PDPN: variants seen among roughly 807,000 people sequenced by gnomAD.
PDPN encodes PA2.26 antigen.
Under a neutral mutation model 23.2 loss-of-function variants are expected in PDPN, and 12 were observed. The ratio of observed to expected loss-of-function variants is 0.52; its 90% CI spans 0.33 to 0.84. The LOEUF (loss-of-function observed/expected upper bound fraction) is 0.84, where lower values mean the gene tolerates loss of function less well. PDPN is among the 40% of genes least tolerant of loss of function. The pLI, the probability that PDPN is intolerant of heterozygous loss-of-function variation, is 0.02. For missense variants in PDPN, 199 were observed against 212.2 expected (o/e 0.94, Z 0.39); for synonymous variants, 77 against 76.7 (o/e 1.00, Z -0.02).
At chr1:13,607,101 G>A (rs1190978690) in intron 1 of PDPN, 72 bp from the exon 2 acceptor site, 60 of 1,478,542 alleles carry the variant, frequency 4.1e-5, no homozygotes, top group Admixed American at 8.5e-5. Context: ...AAAATAATCC[G>A]AATGTAGCCG....
intron 1 of PDPN, among the ~76,000 whole-genome samples, chr1:13,590,606 G>C (rs193165325): frequency 4.6e-5 from 7 of 152,108 alleles, no homozygotes; most frequent in Non-Finnish European, 7.4e-5. Context: ...AGATCAGTCC[G>C]GGCTTTTTGT....
chr1:13,613,823 C>CA (rs1640996375), intron 4 of PDPN, 98 bp downstream of exon 4: 1 of 671,312 alleles, frequency 1.5e-6, no homozygotes, highest in South Asian at 1.7e-5. Context: ...TTCTGGATTG[C>CA]AGTCAATGAG....
chr1:13,613,756 T>C, intron 4 of PDPN, 31 bp downstream of exon 4: 2 of 1,298,882 alleles, frequency 1.5e-6, no homozygotes, highest in Non-Finnish European at 2.2e-6. Flanking sequence ...AAAATACTCT[T>C]ACTGGGGTTT....
intron 5 of PDPN, among the ~76,000 whole-genome samples, chr1:13,615,517 AC>A (rs1277442211): frequency 1.3e-5 from 2 of 151,818 alleles, no homozygotes; most frequent in African/African-American, 2.4e-5. Flanking sequence ...CAATCTCCTG[AC>A]CTCGTGATCC....
chr1:13,606,179 A>C (rs982303138), intron 1 of PDPN, among the ~76,000 whole-genome samples: 35 of 151,822 alleles, frequency 2.3e-4, no homozygotes, highest in African/African-American at 7.3e-4. Context: ...TAGTAGAGAC[A>C]GAGTTTCACC....
At chr1:13,612,969 T>C (rs1640973222) in intron 3 of PDPN, among the ~76,000 whole-genome samples, 2 of 150,908 alleles carry the variant, frequency 1.3e-5, no homozygotes, top group Admixed American at 1.4e-4. Flanking sequence ...ACTCGTTATA[T>C]AAAGAGGTCA....
chr1:13,593,307 A>C (rs1238749080), intron 1 of PDPN, among the ~76,000 whole-genome samples: 2 of 152,130 alleles, frequency 1.3e-5, no homozygotes, highest in Non-Finnish European at 2.9e-5. Flanking sequence ...GATGAGTTTG[A>C]GGTAAATAGT....
chr1:13,604,759 G>GT (rs1640740191), intron 1 of PDPN, among the ~76,000 whole-genome samples: 1 of 152,172 alleles, frequency 6.6e-6, no homozygotes, highest in African/African-American at 2.4e-5. Flanking sequence ...AGCTTAGTAA[G>GT]TTTTTTAATA....
chr1:13,610,202 A>G (rs1208198407), intron 2 of PDPN, among the ~76,000 whole-genome samples, 185 bp from the exon 3 acceptor site: 2 of 152,172 alleles, frequency 1.3e-5, no homozygotes, highest in Non-Finnish European at 2.9e-5. Flanking sequence ...TAATGCTGCT[A>G]TGAACATGTG....
At chr1:13,595,017 G>GAA (rs148184405) in intron 1 of PDPN, among the ~76,000 whole-genome samples, 1 of 142,802 alleles carries the variant, frequency 7.0e-6, no homozygotes, top group African/African-American at 2.6e-5. Flanking sequence ...AAGAAAGAAA[G>GAA]AAAAAAAAAA....
intron 1 of PDPN, among the ~76,000 whole-genome samples, chr1:13,606,149 C>A (rs1640784437): frequency 6.6e-6 from 1 of 152,012 alleles, no homozygotes. Flanking sequence ...ACCACCACAC[C>A]AGGCTAATTT....
At chr1:13,600,219 G>A (rs963867250) in intron 1 of PDPN, among the ~76,000 whole-genome samples, 1 of 152,148 alleles carries the variant, frequency 6.6e-6, no homozygotes, top group Non-Finnish European at 1.5e-5. Flanking sequence ...AGGGAGGGAG[G>A]CAGCAGGCAT....
At chr1:13,603,330 C>T (rs900304375) in intron 1 of PDPN, among the ~76,000 whole-genome samples, 2 of 151,992 alleles carry the variant, frequency 1.3e-5, no homozygotes, top group Non-Finnish European at 2.9e-5. Flanking sequence ...TTGTAGTGAG[C>T]CGAAATTGTA....
intron 1 of PDPN, among the ~76,000 whole-genome samples, chr1:13,588,734 A>G (rs1350270283): frequency 6.6e-6 from 1 of 150,652 alleles, no homozygotes; most frequent in Non-Finnish European, 1.5e-5. Flanking sequence ...GCTGGAGTCC[A>G]GTAGCACTAT....
intron 1 of PDPN, among the ~76,000 whole-genome samples, chr1:13,599,612 G>A (rs1431693437): frequency 6.6e-6 from 1 of 151,788 alleles, no homozygotes; most frequent in East Asian, 1.9e-4. Context: ...TCAAACTCCC[G>A]ACCTCAAGTG....
At position 13,610,349 on chromosome 1, in the gene PDPN, C is replaced by T. The variant is rs12080943; in HGVS notation, c.202-38C>T. ...GGGGATATATTTTAAAGACAGTAGGCTTTATTTCCTGTTTTTCCTCATTTA... is the reference window on the plus strand; with the variant it reads ...GGGGATATATTTTAAAGACAGTAGGTTTTATTTCCTGTTTTTCCTCATTTA... On this transcript the variant is annotated intron_variant, in intron 2 of 5. Coordinates refer to ENST00000621990, the MANE Select transcript of PDPN (RefSeq NM_006474.5). 4,820 of 1,589,466 alleles carry T rather than the reference C, an allele frequency of 3.0e-3. 123 individuals carry two copies. The African/African-American group carries it at 0.058, about 19-fold the overall frequency.
intron 1 of PDPN, among the ~76,000 whole-genome samples, chr1:13,606,730 G>C (rs1432544174): frequency 6.6e-6 from 1 of 152,128 alleles, no homozygotes; most frequent in Non-Finnish European, 1.5e-5. Context: ...TGGAGACCCC[G>C]CTTTTGCATC....
At position 13,617,742 on chromosome 1, in the gene PDPN, T is replaced by TTC. The variant is rs397771443; in HGVS notation, c.*1831_*1832insTC. 2.3e-3 allele frequency: 1 copy of TTC among 436 alleles called. No homozygotes were observed. Among genetic ancestry groups the TTC allele is most frequent in the Non-Finnish European group, 4.7e-3 (1 of 212 alleles). 0.0% of individuals were successfully genotyped at this position (436 alleles called of 1,614,324 possible). On this transcript the variant is annotated 3_prime_UTR_variant, in exon 6 of 6. Coordinates refer to ENST00000621990, the MANE Select transcript of PDPN (RefSeq NM_006474.5). ...GAAGAGCTGGATGAGTTTAAATAAC[T>TTC]CATTGTTCAGATTCCTGAACAGGAG... is the stretch of plus-strand genomic sequence containing the variant.
Position 13,610,515 on chromosome 1 carries a change from G to T in PDPN, c.330G>T (p.Thr110=), listed in dbSNP as rs548762088. 1 of 1,612,978 alleles carries T rather than the reference G, an allele frequency of 6.2e-7. No homozygotes were observed. Among genetic ancestry groups the T allele is most frequent in the South Asian group, 1.1e-5 (1 of 90,910 alleles). ...TASNVATSHS[T]EKVDGDTQTT... The stretch of plus-strand genomic sequence containing the variant: ...CAAACGTGGCCACCAGTCACTCCAC[G>T]GGTAAGAAAACCAGCCACCTCCATG... Residue 110 remains threonine, a splice_region_variant and synonymous_variant, in exon 3 of 6, where the codon ACG becomes ACT. Coordinates refer to ENST00000621990, the MANE Select transcript of PDPN (RefSeq NM_006474.5).
Sources: allele counts gnomAD v4.1 joint callset (sites outside exome capture counted in the v4.1 genomes callset), GRCh38; gene constraint gnomAD v4.1.1; transcripts MANE v1.5; gene names NCBI Gene and HGNC (gene_info 2026-07-23, HGNC 2026-07-21).